TBC1D10B: variants seen among roughly 807,000 people sequenced by gnomAD.
TBC1D10B encodes TBC1 domain family member 10B.
In TBC1D10B, 25 loss-of-function variants were observed where a neutral mutation model predicts 78.4. The ratio of observed to expected loss-of-function variants is 0.32; its 90% CI spans 0.23 to 0.45. The LOEUF is 0.45. Among genes scored for constraint, TBC1D10B ranks in the 20% least tolerant of loss-of-function variants. TBC1D10B has a pLI of 1.00. For synonymous variants in TBC1D10B, 517 were observed against 478.0 expected (o/e 1.08, Z -1.06); for missense variants, 996 against 1,104.8 (o/e 0.90, Z 1.40).
chr16:30,364,838 G>T, intron 4 of TBC1D10B, 62 bp downstream of exon 4: 1 of 1,463,386 alleles, frequency 6.8e-7, no homozygotes, highest in Non-Finnish European at 9.3e-7. Context: ...TATCCACCTA[G>T]CTAAAAGGTG....
At chr16:30,359,928 T>C in intron 4 of TBC1D10B, 87 bp from the exon 5 acceptor site, 1 of 1,215,346 alleles carries the variant, frequency 8.2e-7, no homozygotes, top group South Asian at 1.5e-5. Flanking sequence ...CCAGAGTTTA[T>C]CACCAGGCTC....
chr16:30,362,020 GTATT>G (rs1041707221), intron 4 of TBC1D10B, among the ~76,000 whole-genome samples: 1 of 151,880 alleles, frequency 6.6e-6, no homozygotes, highest in Non-Finnish European at 1.5e-5. Context: ...CTAATTTTTT[GTATT>G]TTTTTAGTAG....
chr16:30,361,852 A>ATT lies in TBC1D10B; in HGVS notation c.1272-2013_1272-2012dup, dbSNP rs747426947. Among the ~76,000 whole-genome samples the ATT allele has an allele frequency of 5.7e-3, 755 of 132,654 alleles. 7 individuals carry two copies. Among genetic ancestry groups the ATT allele is most frequent in the African/African-American group, 0.02 (715 of 35,806 alleles). 87.0% of individuals were successfully genotyped at this position (132,654 alleles called of 152,430 possible). A position where few individuals can be genotyped will look rare whatever the true frequency, so the allele number is the denominator to read the frequency against. On this transcript the variant is annotated intron_variant, in intron 4 of 8. Coordinates refer to ENST00000409939, the MANE Select transcript of TBC1D10B (RefSeq NM_015527.4). ...AGGCACCTGCCACCACACCAAGCTA[A>ATT]TTTTTTTTTTTTTGAGACAGAATCT...
intron 4 of TBC1D10B, among the ~76,000 whole-genome samples, chr16:30,362,437 G>C (rs2049605428): frequency 6.6e-6 from 1 of 152,162 alleles, no homozygotes; most frequent in Non-Finnish European, 1.5e-5. Context: ...ACATGCTCCT[G>C]GTCCTCCTCC....
In TBC1D10B at chr16:30,363,169, C is replaced by T. The variant is rs1013275138; in HGVS notation, c.1271+1731G>A. ...TTTCTCAGGCCAAAAACCCTACTCC[C>T]CTCTCTCCTCTCACACTGCATGTCT... On this transcript the variant is annotated intron_variant, in intron 4 of 8. Coordinates refer to ENST00000409939, the MANE Select transcript of TBC1D10B (RefSeq NM_015527.4). Among the ~76,000 whole-genome samples, 5 of 152,288 alleles carry T rather than the reference C, an allele frequency of 3.3e-5. No individual in the cohort carries two copies. The South Asian group carries it at 1.0e-3, about 32-fold the overall frequency.
At chr16:30,363,401 C>G (rs1371389405) in intron 4 of TBC1D10B, among the ~76,000 whole-genome samples, 7 of 152,124 alleles carry the variant, frequency 4.6e-5, no homozygotes, top group Non-Finnish European at 1.0e-4. Flanking sequence ...AAAACATAAG[C>G]AGGATCAAGT....
rs2049677197 is a variant in TBC1D10B, at chr16:30,370,169, C to G, written c.15G>C (p.Thr5=). 3.4e-6 allele frequency: 4 copies of G among 1,179,088 alleles called. No individual in the cohort carries two copies. The highest frequency in any genetic ancestry group is 8.4e-5 in the South Asian group (2 of 23,916). The allele number at this position is 1,179,088 out of a possible 1,614,324, so 73.0% of individuals were successfully genotyped here. A position where few individuals can be genotyped will look rare whatever the true frequency, so the allele number is the denominator to read the frequency against. ...GGCGCGGCGGGGCCACCAGGGGCGCCGTGCCCGTCTCCATGGCCGCGGGCC... is the reference window on the plus strand; with the variant it reads ...GGCGCGGCGGGGCCACCAGGGGCGCGGTGCCCGTCTCCATGGCCGCGGGCC... METG[T]APLVAPPRRH... Residue 5 remains threonine (T), a synonymous_variant, in exon 1 of 9, where the codon ACG becomes ACC. Transcript: ENST00000409939.
rs1285923308 is a variant in TBC1D10B, at chr16:30,358,249, G to A, written c.2122C>T (p.Pro708Ser). Residue 708 changes from proline to serine, a missense_variant, in exon 9 of 9, where the codon CCC becomes TCC. Physicochemically the swap from Pro to Ser is moderately conservative, Grantham distance 74. Around this residue, in one of 5 missense-constraint regions of TBC1D10B, gnomAD observed 285 missense variants for 252.5 expected, o/e 1.13. Coordinates refer to ENST00000409939, the MANE Select transcript of TBC1D10B (RefSeq NM_015527.4). ...CCCAAGGGGGTGCTATTGCCAGTGG[G>A]TGAGGGAAGGGATGGATGCAGTCCC... is the stretch of plus-strand genomic sequence containing the variant. ...AEGLHPSLPS[P>S]TGNSTPLGSS... 6.4e-7 allele frequency: 1 copy of A among 1,567,638 alleles called. No individual in the cohort carries two copies.
rs762384020 is a variant in TBC1D10B, at chr16:30,359,285, C to T, written c.1529G>A (p.Arg510Gln). 53 of 1,607,250 alleles carry T rather than the reference C, an allele frequency of 3.3e-5. 1 individual carries two copies. In the East Asian group the frequency reaches 4.3e-4, roughly 13 times the overall value. ...GAGCACAGGGTCAATGCGCTGCCGC[C>T]GCAGGTGGCGATGCGCCAGCGGGGA... ...RASPLAHRHL[R>Q]RQRIDPVLYM... Residue 510 changes from arginine (R) to glutamine (Q), a missense_variant, in exon 7 of 9, where the codon CGG becomes CAG. Arg to Gln is a conservative substitution (Grantham distance 43). Around this residue, in one of 5 missense-constraint regions of TBC1D10B, gnomAD observed 168 missense variants for 238.7 expected, o/e 0.70. Coordinates refer to ENST00000409939, the MANE Select transcript of TBC1D10B (RefSeq NM_015527.4).
In TBC1D10B at chr16:30,370,233, G is replaced by A. The variant is rs1386380067; in HGVS notation, c.-50C>T. On this transcript the variant is annotated 5_prime_UTR_variant, in exon 1 of 9. Coordinates refer to ENST00000409939, the MANE Select transcript of TBC1D10B (RefSeq NM_015527.4). ...CCCCGCCGGGGAGGCCGCAGAAGGC[G>A]CCGCCCCTCGGGCCTCCCGGCGAGG... 1.6e-5 allele frequency: 16 copies of A among 1,003,328 alleles called. No homozygotes were observed. The South Asian group carries it at 1.9e-4, about 12-fold the overall frequency. 62.2% of individuals were successfully genotyped at this position (1,003,328 alleles called of 1,614,324 possible). A position where few individuals can be genotyped will look rare whatever the true frequency, so the allele number is the denominator to read the frequency against.
At position 30,358,297 on chromosome 16, in the gene TBC1D10B, G is replaced by A. The variant is rs775284616; in HGVS notation, c.2074C>T (p.Pro692Ser). 4 of 1,584,544 alleles carry A rather than the reference G, an allele frequency of 2.5e-6. No homozygotes were observed. Among genetic ancestry groups the A allele is most frequent in the Non-Finnish European group, 3.4e-6 (4 of 1,165,560 alleles). ...PVRRASAGPA[P>S]GPVVTAEGLH... ...CCCTCAGCAGTGACCACAGGCCCTG[G>A]GGCAGGCCCAGCACTGGCTCTGCGG... Residue 692 changes from proline to serine, a missense_variant, in exon 9 of 9, where the codon CCA (proline) becomes TCA (serine). Physicochemically the swap from Pro to Ser is moderately conservative, Grantham distance 74. Around this residue, in one of 5 missense-constraint regions of TBC1D10B, gnomAD observed 285 missense variants for 252.5 expected, o/e 1.13. Coordinates refer to ENST00000409939, the MANE Select transcript of TBC1D10B (RefSeq NM_015527.4).
At chr16:30,358,917 A>G in intron 7 of TBC1D10B, 100 bp from the exon 8 acceptor site, 8 of 1,415,108 alleles carry the variant, frequency 5.7e-6, no homozygotes, top group Non-Finnish European at 7.5e-6. Context: ...ATCTACTGCC[A>G]ATCTCAGATG....
intron 4 of TBC1D10B, 68 bp from the exon 5 acceptor site, chr16:30,359,909 A>C: frequency 7.3e-7 from 1 of 1,375,804 alleles, no homozygotes; most frequent in South Asian, 1.3e-5. Context: ...ACCCAGTTCC[A>C]GATTCGTCCC....
Position 30,365,680 on chromosome 16 carries a change from C to T in TBC1D10B, c.957-86G>A. ...GGGGAACTGAGGCAAGCCACCTCCC[C>T]AAGCTCAAACGAGAAACTGGATAGT... is the stretch of plus-strand genomic sequence containing the variant. On this transcript the variant is annotated intron_variant, in intron 1 of 8. Coordinates refer to ENST00000409939, the MANE Select transcript of TBC1D10B (RefSeq NM_015527.4). This position sits in a 1 kb window ranked among gnomAD's most constrained non-coding sequence, Gnocchi z 5.0. The T allele has an allele frequency of 2.4e-6, 3 of 1,260,760 alleles. No individual in the cohort carries two copies. Among genetic ancestry groups the T allele is most frequent in the Non-Finnish European group, 3.4e-6 (3 of 871,954 alleles). The allele number at this position is 1,260,760 out of a possible 1,614,324, so 78.1% of individuals were successfully genotyped here. A position where few individuals can be genotyped will look rare whatever the true frequency, so the allele number is the denominator to read the frequency against.
At chr16:30,360,044 T>A (rs906736246) in intron 4 of TBC1D10B, 3 of 572,162 alleles carry the variant, frequency 5.2e-6, no homozygotes, top group African/African-American at 3.7e-5. Context: ...ATACTCCACA[T>A]GCTCCTGGCC....
In TBC1D10B at chr16:30,365,243, T is replaced by G; in HGVS notation, c.1057-31A>C. 6.3e-7 allele frequency: 1 copy of G among 1,596,944 alleles called. No individual in the cohort carries two copies. Among genetic ancestry groups the G allele is most frequent in the Non-Finnish European group, 8.6e-7 (1 of 1,165,088 alleles). ...GCAAAGTGGCAGGAGGGGGACAGCT[T>G]CAAGGGCTGGCACAGCCTCCAACCT... is the stretch of plus-strand genomic sequence containing the variant. On this transcript the variant is annotated intron_variant, in intron 2 of 8. Coordinates refer to ENST00000409939, the MANE Select transcript of TBC1D10B (RefSeq NM_015527.4). The surrounding 1 kb of genome is among the most constrained non-coding windows in gnomAD (Gnocchi z 5.0).
In TBC1D10B at chr16:30,369,159, T is replaced by C; in HGVS notation, c.956+69A>G. ...GCCAGAGTCTGGGCAAAGTGTATCG[T>C]TTTCGTTTCGCCCTCCCCCAACCTT... On this transcript the variant is annotated intron_variant, in intron 1 of 8. Coordinates refer to ENST00000409939, the MANE Select transcript of TBC1D10B (RefSeq NM_015527.4). This position sits in a 1 kb window ranked among gnomAD's most constrained non-coding sequence, Gnocchi z 4.3. The C allele has an allele frequency of 1.4e-6, 2 of 1,440,356 alleles. No homozygotes were observed. Among genetic ancestry groups the C allele is most frequent in the Non-Finnish European group, 1.8e-6 (2 of 1,081,332 alleles). The allele number at this position is 1,440,356 out of a possible 1,614,324, so 89.2% of individuals were successfully genotyped here. A position where few individuals can be genotyped will look rare whatever the true frequency, so the allele number is the denominator to read the frequency against.
chr16:30,359,787 C>A lies in TBC1D10B; in HGVS notation c.1326G>T (p.Glu442Asp). 1 of 1,586,054 alleles carries A rather than the reference C, an allele frequency of 6.3e-7. No homozygotes were observed. The highest frequency in any genetic ancestry group is 2.3e-5 in the East Asian group (1 of 43,444). Reference protein sequence around the residue: ...LKAYTIYRPDEGYCQAQAPVA... With the variant: ...LKAYTIYRPDDGYCQAQAPVA... ...CGGGGGCCTGGGCCTGGCAGTAACC[C>A]TCGTCAGGCCGGTAGATGGTGTAGG... Residue 442 changes from glutamate to aspartate, a missense_variant, in exon 5 of 9, where the codon GAG (glutamate) becomes GAT (aspartate). Around this residue, in one of 5 missense-constraint regions of TBC1D10B, gnomAD observed 93 missense variants for 152.7 expected, o/e 0.61. Transcript: ENST00000409939.
At position 30,358,878 on chromosome 16, in the gene TBC1D10B, A is replaced by G. The variant is rs1018071158; in HGVS notation, c.1643-61T>C. ...AGACCCAAGATCTCAGCCTGTCCTG[A>G]TCAGGATAGACTCACAGCCCCCATC... On this transcript the variant is annotated intron_variant, in intron 7 of 8. Transcript: ENST00000409939. The G allele has an allele frequency of 2.0e-6, 3 of 1,529,224 alleles. No homozygotes were observed. The African/African-American group carries it at 4.1e-5, about 21-fold the overall frequency. The allele number at this position is 1,529,224 out of a possible 1,614,324, so 94.7% of individuals were successfully genotyped here.
Sources: allele counts gnomAD v4.1 joint callset (sites outside exome capture counted in the v4.1 genomes callset), GRCh38; gene constraint gnomAD v4.1.1; regional missense constraint gnomAD v4.1.1; non-coding constraint Gnocchi (gnomAD v3.1); transcripts MANE v1.5; gene names NCBI Gene and HGNC (gene_info 2026-07-23, HGNC 2026-07-21).